Variants in IL17RD observed in about 807,000 individuals in gnomAD.
IL17RD encodes interleukin-17 receptor D.
In IL17RD, 52 loss-of-function variants were observed where a neutral mutation model predicts 80.5. The ratio of observed to expected loss-of-function variants is 0.65; its 90% CI spans 0.52 to 0.81. The LOEUF is 0.81. Ranked by LOEUF, IL17RD falls within the 40% of genes least tolerant of loss-of-function variation. The probability of loss-of-function intolerance (pLI) is 0.00; values close to 1 mark genes in which losing one functional copy is unlikely to be tolerated. For missense variants in IL17RD, 1,024 were observed against 955.1 expected (o/e 1.07, Z -0.95); for synonymous variants, 416 against 391.8 (o/e 1.06, Z -0.73).
chr3:57,106,227 G>T, intron 5 of IL17RD, 73 bp from the exon 6 acceptor site: 1 of 1,068,928 alleles, frequency 9.4e-7, no homozygotes, highest in Non-Finnish European at 1.4e-6. Context: ...ACAACCCAAT[G>T]AAATATAAAG....
At chr3:57,163,777 T>C (rs1559489700) in intron 1 of IL17RD, among the ~76,000 whole-genome samples, 1 of 20,242 alleles carries the variant, frequency 4.9e-5, no homozygotes, top group Non-Finnish European at 1.0e-4. Flanking sequence ...TGACAGAGCC[T>C]AATGGGGCGG....
chr3:57,118,516 G>A (rs1418620346), intron 2 of IL17RD, among the ~76,000 whole-genome samples: 1 of 152,266 alleles, frequency 6.6e-6, no homozygotes, highest in East Asian at 1.9e-4. Flanking sequence ...CACTAAATAT[G>A]AGTCAAGTTC....
chr3:57,166,586 T>C (rs1386294705), upstream of IL17RD, among the ~76,000 whole-genome samples: 2 of 152,114 alleles, frequency 1.3e-5, no homozygotes, highest in African/African-American at 2.4e-5. Context: ...ATGTGTTCTG[T>C]GTTTGGAGGA....
At chr3:57,146,987 TA>T (rs2107531862) in intron 1 of IL17RD, among the ~76,000 whole-genome samples, 1 of 130,136 alleles carries the variant, frequency 7.7e-6, no homozygotes, top group South Asian at 2.5e-4. Context: ...CATGCCCGGC[TA>T]ATTTTTTTTT....
At chr3:57,118,653 G>T (rs553681258) in intron 2 of IL17RD, among the ~76,000 whole-genome samples, 3 of 152,116 alleles carry the variant, frequency 2.0e-5, no homozygotes, top group Non-Finnish European at 4.4e-5. Context: ...TTAGAAAACA[G>T]TTCAGTCAGA....
chr3:57,107,618 T>A (rs901950254), intron 5 of IL17RD, among the ~76,000 whole-genome samples: 3 of 152,134 alleles, frequency 2.0e-5, no homozygotes, highest in South Asian at 2.1e-4. Flanking sequence ...TGCTGCCTGT[T>A]CCAGGGCGAC....
At position 57,104,339 on chromosome 3, in the gene IL17RD, T is replaced by C. The variant is rs1015689354; in HGVS notation, c.813+3A>G. The stretch of plus-strand genomic sequence containing the variant: ...TAATAGGGCTTTCTTGTGTTATGCA[T>C]ACCTCAATTATATAATCCCCTGGAG... On this transcript the variant is annotated splice_donor_region_variant and intron_variant, in intron 8 of 12. Transcript: ENST00000296318. 1.3e-6 allele frequency: 2 copies of C among 1,597,980 alleles called. No individual in the cohort carries two copies. The highest frequency in any genetic ancestry group is 2.7e-5 in the African/African-American group (2 of 74,692).
chr3:57,159,910 G>T (rs1267634014), intron 1 of IL17RD, among the ~76,000 whole-genome samples: 1 of 152,180 alleles, frequency 6.6e-6, no homozygotes, highest in Non-Finnish European at 1.5e-5. Context: ...GGTGGCTCAC[G>T]CCTGTAATCC....
rs1406511105 is a variant in IL17RD, at chr3:57,120,309, A to C, written c.131T>G (p.Val44Gly). The change falls in exon 2 of 13, where the codon GTG becomes GGG. Residue 44 changes from valine to glycine, a missense_variant. Val to Gly is a moderately radical substitution (Grantham distance 109). Transcript: ENST00000296318. ...RGADTCGWRGVGPASRNSGLY... is the reference protein window; with the variant it reads ...RGADTCGWRGGGPASRNSGLY... ...CCCACTGTTTCTGCTGGCTGGCCCC[A>C]CTCCCTGTGGGAAAACAAGAGAACA... 1 of 1,613,210 alleles carries C rather than the reference A, an allele frequency of 6.2e-7. No individual in the cohort carries two copies. Among genetic ancestry groups the C allele is most frequent in the Non-Finnish European group, 8.5e-7 (1 of 1,179,266 alleles).
chr3:57,148,385 C>T (rs1402843337), intron 1 of IL17RD, among the ~76,000 whole-genome samples: 3 of 151,924 alleles, frequency 2.0e-5, no homozygotes, highest in Non-Finnish European at 2.9e-5. Flanking sequence ...AAACCTACCT[C>T]CCCATTTTTA....
At chr3:57,169,246 ATTG>A, upstream of IL17RD, 3 of 519,024 alleles carry the variant, frequency 5.8e-6, no homozygotes, top group Admixed American at 5.8e-5. Flanking sequence ...CAAGGCCAGG[ATTG>A]CCTGTAGTCC....
intron 1 of IL17RD, chr3:57,134,136 A>G (rs1707670302): frequency 1.6e-6 from 1 of 615,204 alleles, no homozygotes; most frequent in African/African-American, 1.8e-5. Flanking sequence ...GGCCACAGCC[A>G]TGAGTATGCT....
rs1317229820 is a variant in IL17RD at position 57,146,208 on chromosome 3, T to C, written c.126+18953A>G. 2.0e-5 allele frequency among the ~76,000 whole-genome samples: 3 copies of C among 152,194 alleles called. 1 individual carries two copies. The highest frequency in any genetic ancestry group is 4.1e-4 in the South Asian group (2 of 4,826). ...GTCAGGAAGACTCACTAATCAATAA[T>C]TCTTAGACTTACTAATCAATAATTA... On this transcript the variant is annotated intron_variant, in intron 1 of 12. Coordinates refer to ENST00000296318, the MANE Select transcript of IL17RD (RefSeq NM_017563.5).
At chr3:57,137,830 C>G (rs1707757937) in intron 1 of IL17RD, among the ~76,000 whole-genome samples, 1 of 152,206 alleles carries the variant, frequency 6.6e-6, no homozygotes, top group South Asian at 2.1e-4. Context: ...ACTTTCCTGT[C>G]TGTACTCAGA....
At chr3:57,147,177 T>C (rs1707950834) in intron 1 of IL17RD, among the ~76,000 whole-genome samples, 1 of 152,078 alleles carries the variant, frequency 6.6e-6, no homozygotes, top group Non-Finnish European at 1.5e-5. Flanking sequence ...AGTACATGTA[T>C]ACTGCTGATA....
intron 1 of IL17RD, among the ~76,000 whole-genome samples, chr3:57,127,371 T>TAAATAA (rs1183141345): frequency 3.3e-5 from 3 of 91,694 alleles, no homozygotes; most frequent in African/African-American, 1.6e-4. Context: ...TATAAATATA[T>TAAATAA]ATATATAAAT....
intron 1 of IL17RD, among the ~76,000 whole-genome samples, chr3:57,161,339 C>T (rs537969697): frequency 1.6e-4 from 25 of 152,334 alleles, no homozygotes; most frequent in Middle Eastern, 3.4e-3. Flanking sequence ...TGTCTGGGCC[C>T]ACAGCCAAGG....
chr3:57,098,331 C>T lies in IL17RD; in HGVS notation c.1372G>A (p.Ala458Thr). Residue 458 changes from alanine (A) to threonine (T), a missense_variant, in exon 12 of 13, where the codon GCC (alanine) becomes ACC (threonine). By Grantham distance (58) the Ala-to-Thr change is moderately conservative. Transcript: ENST00000296318. ...ELFLVAVSAI[A>T]EKLRQAKQSS... ...TGCTTGGCCTGGCGGAGCTTTTCGG[C>T]AATGGCTGACACCGCCACCAGGAAG... is the stretch of plus-strand genomic sequence containing the variant. 1 of 1,613,990 alleles carries T rather than the reference C, an allele frequency of 6.2e-7. No individual in the cohort carries two copies.
At chr3:57,138,920 C>G (rs1025930045) in intron 1 of IL17RD, among the ~76,000 whole-genome samples, 1 of 105,592 alleles carries the variant, frequency 9.5e-6, no homozygotes, top group South Asian at 3.0e-4. Context: ...GCCTGGGCAA[C>G]AGGAGCAAAA....
Sources: allele counts gnomAD v4.1 joint callset (sites outside exome capture counted in the v4.1 genomes callset), GRCh38; gene constraint gnomAD v4.1.1; transcripts MANE v1.5; gene names NCBI Gene and HGNC (gene_info 2026-07-23, HGNC 2026-07-21).